Variants in ARL6IP5 observed in about 807,000 individuals in gnomAD.
ARL6IP5 encodes the protein PRA1 family protein 3.
A neutral mutation model predicts 13.0 loss-of-function variants in ARL6IP5; 6 were observed. The observed-to-expected ratio is 0.46, with a 90% CI of 0.25 to 0.91. ARL6IP5 has a LOEUF of 0.91. Among genes scored for constraint, ARL6IP5 ranks in the 40% least tolerant of loss-of-function variants. The probability of loss-of-function intolerance (pLI) is 0.17; values close to 1 mark genes in which losing one functional copy is unlikely to be tolerated. For missense variants in ARL6IP5, 208 were observed against 248.8 expected (o/e 0.84, Z 1.10); for synonymous variants, 91 against 91.9 (o/e 0.99, Z 0.06).
chr3:69,090,342 G>C (rs1372921816), intron 1 of ARL6IP5, among the ~76,000 whole-genome samples: 1 of 152,210 alleles, frequency 6.6e-6, no homozygotes, highest in African/African-American at 2.4e-5. Context: ...AATTAACAAA[G>C]AGTATGAAGC....
At chr3:69,088,230 A>G (rs1444597090) in intron 1 of ARL6IP5, among the ~76,000 whole-genome samples, 9 of 152,224 alleles carry the variant, frequency 5.9e-5, no homozygotes, top group Admixed American at 5.9e-4. Context: ...CTCATTCTAA[A>G]GAGAACTATC....
chr3:69,085,026 C>T lies in ARL6IP5; in HGVS notation c.-22C>T. The T allele has an allele frequency of 6.2e-7, 1 of 1,606,412 alleles. No homozygotes were observed. Among genetic ancestry groups the T allele is most frequent in the Non-Finnish European group, 8.5e-7 (1 of 1,175,854 alleles). On this transcript the variant is annotated 5_prime_UTR_variant, in exon 1 of 3. Transcript: ENST00000273258. ...CGCCGCCGCCGCCAGATTCTGGAGG[C>T]GAAGAACGCAAAGCTGAGAACATGG...
intron 1 of ARL6IP5, among the ~76,000 whole-genome samples, chr3:69,101,183 C>T (rs911869099): frequency 6.6e-6 from 1 of 152,100 alleles, no homozygotes; most frequent in Admixed American, 6.6e-5. Flanking sequence ...GAAAACACAA[C>T]CTACTGTGTA....
At chr3:69,091,654 CTT>C (rs529198443) in intron 1 of ARL6IP5, among the ~76,000 whole-genome samples, 61 of 105,734 alleles carry the variant, frequency 5.8e-4, no homozygotes, top group African/African-American at 1.1e-3. Flanking sequence ...CTCCGTCCAG[CTT>C]TTTTTTTTTT....
intron 1 of ARL6IP5, among the ~76,000 whole-genome samples, chr3:69,101,452 A>G (rs748906626): frequency 3.3e-5 from 5 of 151,168 alleles, no homozygotes; most frequent in Non-Finnish European, 7.4e-5. Context: ...CCTCCTGAGT[A>G]GCTGGGAACA....
At chr3:69,093,079 A>T (rs146236766) in intron 1 of ARL6IP5, among the ~76,000 whole-genome samples, 1 of 152,304 alleles carries the variant, frequency 6.6e-6, no homozygotes, top group East Asian at 1.9e-4. Context: ...TATTATTTGA[A>T]GCTCCGTCAC....
intron 1 of ARL6IP5, among the ~76,000 whole-genome samples, chr3:69,094,981 A>C (rs755619227): frequency 6.6e-6 from 1 of 152,166 alleles, no homozygotes; most frequent in Admixed American, 6.5e-5. Flanking sequence ...ACCCACTAAT[A>C]GCCACCTTGT....
chr3:69,093,772 A>AAAAAG (rs1015422542), intron 1 of ARL6IP5, among the ~76,000 whole-genome samples: 29 of 147,284 alleles, frequency 2.0e-4, no homozygotes, highest in East Asian at 1.0e-3. Flanking sequence ...AAAAAAAAAA[A>AAAAAG]AAAAGAAAAG....
At chr3:69,090,690 C>G (rs2092262599) in intron 1 of ARL6IP5, among the ~76,000 whole-genome samples, 1 of 152,176 alleles carries the variant, frequency 6.6e-6, no homozygotes, top group Non-Finnish European at 1.5e-5. Flanking sequence ...TACTGAGCAC[C>G]TACCATGTGG....
intron 1 of ARL6IP5, among the ~76,000 whole-genome samples, chr3:69,097,032 T>A (rs1420053826): frequency 6.6e-6 from 1 of 152,108 alleles, no homozygotes; most frequent in Non-Finnish European, 1.5e-5. Flanking sequence ...AAATACCAAT[T>A]TTTTTTATTC....
In ARL6IP5 at chr3:69,104,822, G is replaced by A. The variant is rs1442690051; in HGVS notation, c.*186G>A. ...TTTCAGAGAGAAGACCTCAGAAACC[G>A]AAAGAAAACCACCACCCTCCTATTG... is the stretch of plus-strand genomic sequence containing the variant. On this transcript the variant is annotated 3_prime_UTR_variant, in exon 3 of 3. Transcript: ENST00000273258. The A allele has an allele frequency of 8.1e-6, 6 of 742,930 alleles. No homozygotes were observed. Among genetic ancestry groups the A allele is most frequent in the African/African-American group, 1.7e-5 (1 of 57,714 alleles). 46.0% of individuals were successfully genotyped at this position (742,930 alleles called of 1,614,324 possible). A position where few individuals can be genotyped will look rare whatever the true frequency, so the allele number is the denominator to read the frequency against.
intron 1 of ARL6IP5, among the ~76,000 whole-genome samples, chr3:69,095,924 G>A (rs1285087544): frequency 6.6e-6 from 1 of 152,170 alleles, no homozygotes; most frequent in Non-Finnish European, 1.5e-5. Flanking sequence ...GGTTTGTCGT[G>A]ATTGCTGTGA....
chr3:69,104,046 G>A (rs1253259592), intron 2 of ARL6IP5, among the ~76,000 whole-genome samples: 1 of 152,144 alleles, frequency 6.6e-6, no homozygotes, highest in Non-Finnish European at 1.5e-5. Flanking sequence ...GCTCCTGCAG[G>A]GAACAAGATA....
Position 69,085,221 on chromosome 3 carries a change from G to C in ARL6IP5, c.174G>C (p.Val58=), listed in dbSNP as rs376728432. Residue 58 remains valine, a splice_region_variant and synonymous_variant, in exon 1 of 3, where the codon GTG becomes GTC. Transcript: ENST00000273258. ...TGGCTGCCATGATGATTTCCATTGT[G>C]GGGTAAGTGGGGTCCCCCTACCCGG... is the stretch of plus-strand genomic sequence containing the variant. ...LVVAAMMISI[V]GFLSPFNMIL... 15 of 1,611,264 alleles carry C rather than the reference G, an allele frequency of 9.3e-6. No individual in the cohort carries two copies. In the African/African-American group the frequency reaches 1.7e-4, roughly 19 times the overall value.
intron 1 of ARL6IP5, among the ~76,000 whole-genome samples, chr3:69,089,350 G>A (rs2092257834): frequency 6.6e-6 from 1 of 152,042 alleles, no homozygotes; most frequent in Non-Finnish European, 1.5e-5. Context: ...GTAAAAGCTC[G>A]AGGTCACAGG....
At chr3:69,093,287 G>A (rs1203181914) in intron 1 of ARL6IP5, among the ~76,000 whole-genome samples, 3 of 152,100 alleles carry the variant, frequency 2.0e-5, no homozygotes, top group Non-Finnish European at 4.4e-5. Context: ...AAATATTTAG[G>A]GAATGGCAAG....
At chr3:69,099,663 A>C (rs527400491) in intron 1 of ARL6IP5, among the ~76,000 whole-genome samples, 1 of 152,316 alleles carries the variant, frequency 6.6e-6, no homozygotes, top group South Asian at 2.1e-4. Flanking sequence ...CTTCCATTTC[A>C]GAGAAAGTAA....
intron 1 of ARL6IP5, chr3:69,089,743 C>T (rs1001946400): frequency 2.2e-6 from 1 of 454,330 alleles, no homozygotes; most frequent in Non-Finnish European, 4.4e-6. Context: ...ATAAAAATGC[C>T]TCTGCTGCTT....
chr3:69,089,783 T>C (rs1026216676), intron 1 of ARL6IP5: 16 of 456,578 alleles, frequency 3.5e-5, no homozygotes, highest in East Asian at 6.9e-5. Context: ...TGTATTCTTA[T>C]GTATATACAT....
Sources: gnomAD v4.1 joint callset for allele counts (sites outside exome capture counted in the v4.1 genomes callset) on GRCh38, gnomAD v4.1.1 for gene constraint, MANE v1.5 for transcripts, NCBI Gene and HGNC (gene_info 2026-07-23, HGNC 2026-07-21) for gene names.